Variants in MTMR14 observed in about 807,000 individuals in gnomAD.
MTMR14 encodes phosphatidylinositol-3,5-bisphosphate 3-phosphatase MTMR14.
MTMR14 carries 48 observed loss-of-function variants against 86.3 expected under a neutral mutation model. The observed-to-expected ratio is 0.56, with a 90% confidence interval of 0.44 to 0.71. MTMR14 has a LOEUF of 0.71. Among genes scored for constraint, MTMR14 ranks in the 30% least tolerant of loss-of-function variants. The probability of loss-of-function intolerance (pLI) is 0.00; values close to 1 mark genes in which losing one functional copy is unlikely to be tolerated. For synonymous variants in MTMR14, 366 were observed against 326.1 expected, an observed-to-expected ratio of 1.12 and a Z score of -1.32; for missense variants, 780 against 834.6, an observed-to-expected ratio of 0.93 and a Z score of 0.81.
At chr3:9,697,001 C>A (rs9850663) in intron 17 of MTMR14, among the ~76,000 whole-genome samples, 1 of 152,086 alleles carries the variant, frequency 6.6e-6, no homozygotes, top group Non-Finnish European at 1.5e-5. Flanking sequence ...AGATTCCCAG[C>A]ACAACCTTCT....
Position 9,677,834 on chromosome 3 carries a change from A to T in MTMR14, c.823-150A>T. 1.5e-6 allele frequency: 1 copy of T among 648,048 alleles called. No homozygotes were observed. The highest frequency in any genetic ancestry group is 2.9e-5 in the Admixed American group (1 of 34,758). 40.1% of individuals were successfully genotyped at this position (648,048 alleles called of 1,614,324 possible). On this transcript the variant is annotated intron_variant, in intron 8 of 18. Coordinates refer to ENST00000296003, the MANE Select transcript of MTMR14 (RefSeq NM_001077525.3). The surrounding 1 kb of genome is among the most constrained non-coding windows in gnomAD (Gnocchi z 4.2). ...TACTGATCTGGTCACATTGATTTTTAAGCTGTCACTCCCAGGTAGCACAGG... is the reference window on the plus strand; with the variant it reads ...TACTGATCTGGTCACATTGATTTTTTAGCTGTCACTCCCAGGTAGCACAGG...
intron 10 of MTMR14, chr3:9,683,525 G>A (rs1403115452): frequency 2.4e-6 from 1 of 411,674 alleles, no homozygotes; most frequent in Admixed American, 3.8e-5. Context: ...CAACAGCATT[G>A]TGTGTGGGGC....
intron 6 of MTMR14, among the ~76,000 whole-genome samples, chr3:9,671,554 T>G (rs2048566423): frequency 6.6e-6 from 1 of 152,230 alleles, no homozygotes; most frequent in African/African-American, 2.4e-5. Flanking sequence ...AGAGTCTTTG[T>G]TGCCTAAAGT....
chr3:9,684,632 C>T lies in MTMR14; in HGVS notation c.1012C>T (p.Pro338Ser). 1 of 1,614,158 alleles carries T rather than the reference C, an allele frequency of 6.2e-7. No individual in the cohort carries two copies. The highest frequency in any genetic ancestry group is 8.5e-7 in the Non-Finnish European group (1 of 1,180,032). ...VHCISGWDRTPLFISLLRLSL... is the reference protein window; with the variant it reads ...VHCISGWDRTSLFISLLRLSL... The stretch of plus-strand genomic sequence containing the variant: ...CTGTATCTCAGGCTGGGATCGGACC[C>T]CCCTCTTCATCTCCCTCCTGCGCCT... Residue 338 changes from proline (P) to serine (S), a missense_variant, in exon 11 of 19, where the codon CCC (proline) becomes TCC (serine). Coordinates refer to ENST00000296003, the MANE Select transcript of MTMR14 (RefSeq NM_001077525.3).
chr3:9,688,966 C>CACCA lies in MTMR14; in HGVS notation c.1318_1321dup (p.Ser441AsnfsTer24). The stretch of plus-strand genomic sequence containing the variant: ...TAGGACGAAAGGACCGTGGCAGCAC[C>CACCA]ACCAGCCTTGGCAGCGACTTCTCCC... On this transcript the variant is annotated frameshift_variant, in exon 16 of 19. Transcript: ENST00000296003. LOFTEE classifies it high-confidence loss of function. The CACCA allele has an allele frequency of 1.2e-6, 2 of 1,614,046 alleles. No individual in the cohort carries two copies. Among genetic ancestry groups the CACCA allele is most frequent in the Non-Finnish European group, 1.7e-6 (2 of 1,180,036 alleles).
chr3:9,669,824 C>G (rs984835381), intron 5 of MTMR14, among the ~76,000 whole-genome samples: 1 of 152,176 alleles, frequency 6.6e-6, no homozygotes, highest in African/African-American at 2.4e-5. Context: ...TGCCAGTTTG[C>G]AGCTATGATG....
At chr3:9,700,675 T>C (rs1356454249) in intron 18 of MTMR14, 2 of 152,190 alleles carry the variant, frequency 1.3e-5, no homozygotes, top group Admixed American at 6.5e-5. Context: ...GAAACCACAG[T>C]GACTGAAGGT....
intron 3 of MTMR14, among the ~76,000 whole-genome samples, chr3:9,665,234 A>T (rs945051139): frequency 6.7e-5 from 10 of 150,242 alleles, no homozygotes; most frequent in African/African-American, 2.5e-4. Flanking sequence ...GTGAGCCGAG[A>T]TCGTGCCATT....
intron 18 of MTMR14, chr3:9,699,435 C>G (rs2076385928): frequency 6.6e-6 from 1 of 152,264 alleles, no homozygotes; most frequent in Non-Finnish European, 1.5e-5. Context: ...TCCGTATGAT[C>G]TGAAGGCCTG....
intron 1 of MTMR14, among the ~76,000 whole-genome samples, chr3:9,652,077 G>A (rs554003174): frequency 3.9e-5 from 6 of 152,072 alleles, no homozygotes; most frequent in East Asian, 1.9e-4. Flanking sequence ...TGATCTGCCC[G>A]CCTTGGCCTC....
At chr3:9,686,439 C>T (rs2075956629) in intron 13 of MTMR14, among the ~76,000 whole-genome samples, 1 of 152,166 alleles carries the variant, frequency 6.6e-6, no homozygotes, top group South Asian at 2.1e-4. Context: ...TCCATGTAGA[C>T]AAGAGGCTCT....
At chr3:9,680,659 C>G (rs760120699) in intron 9 of MTMR14, among the ~76,000 whole-genome samples, 8 of 152,178 alleles carry the variant, frequency 5.3e-5, no homozygotes, top group Non-Finnish European at 1.2e-4. Flanking sequence ...TCGTGGCTAA[C>G]ACAGTGAAAC....
At chr3:9,684,459 G>C (rs2125268425) in intron 10 of MTMR14, 126 bp from the exon 11 acceptor site, 1 of 862,486 alleles carries the variant, frequency 1.2e-6, no homozygotes, top group South Asian at 1.3e-5. Flanking sequence ...CCATGGGGAG[G>C]CCACTGGGGA....
At position 9,684,889 on chromosome 3, in the gene MTMR14, A is replaced by C; in HGVS notation, c.1052A>C (p.Asp351Ala). The C allele has an allele frequency of 1.2e-6, 2 of 1,613,998 alleles. No homozygotes were observed. The highest frequency in any genetic ancestry group is 2.2e-5 in the South Asian group (2 of 91,074). The change falls in exon 12 of 19, where the codon GAT becomes GCT. Residue 351 changes from aspartate (D) to alanine (A), a missense_variant and splice_region_variant. Asp to Ala is a moderately radical substitution (Grantham distance 126, BLOSUM62 -2). Coordinates refer to ENST00000296003, the MANE Select transcript of MTMR14 (RefSeq NM_001077525.3). ...ISLLRLSLWA[D>A]GLIHTSLKPT... is the part of the protein sequence containing the mutation. ...CACATCTCCTGTGGTCTCTTCCAGG[A>C]TGGGCTCATCCACACGTCCCTGAAG...
intron 4 of MTMR14, among the ~76,000 whole-genome samples, chr3:9,669,206 G>A (rs1249620360): frequency 2.0e-5 from 3 of 152,124 alleles, no homozygotes; most frequent in Non-Finnish European, 2.9e-5. Flanking sequence ...TGAGTGAGCT[G>A]GGTGGAGATC....
chr3:9,701,490 C>T lies in MTMR14; in HGVS notation c.1770-300C>T. The T allele has an allele frequency of 2.4e-6, 1 of 424,952 alleles. No homozygotes were observed. The highest frequency in any genetic ancestry group is 4.4e-6 in the Non-Finnish European group (1 of 227,790). The allele number at this position is 424,952 out of a possible 1,614,324, so 26.3% of individuals were successfully genotyped here. A position where few individuals can be genotyped will look rare whatever the true frequency, so the allele number is the denominator to read the frequency against. On this transcript the variant is annotated intron_variant, in intron 18 of 18. Transcript: ENST00000296003. This position sits in a 1 kb window ranked among gnomAD's most constrained non-coding sequence, Gnocchi z 4.2. Reference sequence around the variant, plus strand: ...TGAGCGCTGATTGTGTCACTGCATTCCAGCCTGGGCAATAGAGTGAGACCT... The same window carrying T: ...TGAGCGCTGATTGTGTCACTGCATTTCAGCCTGGGCAATAGAGTGAGACCT...
intron 18 of MTMR14, among the ~76,000 whole-genome samples, chr3:9,699,218 C>A (rs1282755484): frequency 2.6e-5 from 4 of 151,902 alleles, no homozygotes; most frequent in African/African-American, 9.7e-5. Context: ...CTTCCTACTC[C>A]AGCCCCATTT....
chr3:9,663,174 A>T (rs1314251321), intron 3 of MTMR14, among the ~76,000 whole-genome samples: 2 of 152,052 alleles, frequency 1.3e-5, no homozygotes, highest in African/African-American at 4.8e-5. Flanking sequence ...GGACTGACAT[A>T]CAGAGAGCCT....
At chr3:9,683,466 T>A in intron 10 of MTMR14, 2 of 559,906 alleles carry the variant, frequency 3.6e-6, no homozygotes, top group South Asian at 2.0e-5. Context: ...AAGAACTCCT[T>A]ACCATCTATG....
Sources: gnomAD v4.1 joint callset for allele counts (sites outside exome capture counted in the v4.1 genomes callset) on GRCh38, gnomAD v4.1.1 for gene constraint, Gnocchi (gnomAD v3.1) non-coding constraint, MANE v1.5 for transcripts, NCBI Gene and HGNC (gene_info 2026-07-23, HGNC 2026-07-21) for gene names.